KCNG3: variants seen among roughly 807,000 people sequenced by gnomAD.
KCNG3 encodes the protein voltage-gated potassium channel regulatory subunit KCNG3.
Under a neutral mutation model 29.0 loss-of-function variants are expected in KCNG3, and 15 were observed. The ratio of observed to expected loss-of-function variants is 0.52; its 90% confidence interval spans 0.35 to 0.80. KCNG3 has a LOEUF of 0.80. KCNG3 is among the 30% of genes least tolerant of loss of function. The pLI, the probability that KCNG3 is intolerant of heterozygous loss-of-function variation, is 0.01. For missense variants in KCNG3, 512 were observed against 605.7 expected (o/e 0.85, Z 1.62); for synonymous variants, 322 against 248.9 (o/e 1.29, Z -2.76).
the KCNG3 span, among the ~76,000 whole-genome samples, chr2:42,426,920 C>CA: frequency 6.6e-6 from 1 of 152,148 alleles, no homozygotes; most frequent in East Asian, 1.9e-4. Flanking sequence ...ATGACAGTAT[C>CA]AACCAAGAAA....
At chr2:42,411,975 C>T in the KCNG3 span, among the ~76,000 whole-genome samples, 1 of 152,146 alleles carries the variant, frequency 6.6e-6, no homozygotes, top group Non-Finnish European at 1.5e-5. Flanking sequence ...TTTGATGAAT[C>T]AAATACATAC....
chr2:42,430,088 C>T, the KCNG3 span, among the ~76,000 whole-genome samples: 6 of 152,114 alleles, frequency 3.9e-5, no homozygotes, highest in Admixed American at 6.5e-5. Flanking sequence ...ACTAGGGGGG[C>T]GGACATGGTA....
At chr2:42,401,814 G>A in the KCNG3 span, among the ~76,000 whole-genome samples, 1 of 152,100 alleles carries the variant, frequency 6.6e-6, no homozygotes, top group Non-Finnish European at 1.5e-5. Flanking sequence ...AACCCAGAAG[G>A]TGGAGGTTTC....
At chr2:42,422,741 T>C in the KCNG3 span, among the ~76,000 whole-genome samples, 4 of 152,192 alleles carry the variant, frequency 2.6e-5, no homozygotes, top group Admixed American at 2.6e-4. Flanking sequence ...ACCATATTTA[T>C]AGCCATAGTT....
At chr2:42,399,668 G>A in the KCNG3 span, among the ~76,000 whole-genome samples, 2,395 of 152,226 alleles carry the variant, frequency 0.016, 77 homozygotes, top group African/African-American at 0.054. Context: ...AGAGTGTGGA[G>A]ACAGAAGAGA....
the KCNG3 span, among the ~76,000 whole-genome samples, chr2:42,422,822 G>A: frequency 1.3e-5 from 2 of 152,152 alleles, no homozygotes; most frequent in South Asian, 2.1e-4. Flanking sequence ...CCCCATAAGC[G>A]CCTAGTTGCT....
the KCNG3 span, among the ~76,000 whole-genome samples, chr2:42,417,456 C>G: frequency 1.3e-5 from 2 of 151,694 alleles, no homozygotes; most frequent in African/African-American, 4.8e-5. Flanking sequence ...AAGTTGCTGG[C>G]ACCACAGGCA....
At chr2:42,458,386 T>C (rs1672930594) in intron 1 of KCNG3, among the ~76,000 whole-genome samples, 1 of 152,208 alleles carries the variant, frequency 6.6e-6, no homozygotes, top group Non-Finnish European at 1.5e-5. Context: ...TTACCCTCTG[T>C]GGTTCCTCTG....
downstream of KCNG3, chr2:42,440,481 T>TAAAAA (rs58284596): frequency 7.4e-6 from 1 of 135,880 alleles, no homozygotes. Flanking sequence ...CTGTTTTCTT[T>TAAAAA]AAAAAAAAAA....
downstream of KCNG3, among the ~76,000 whole-genome samples, chr2:42,441,732 C>CACATATATATACCTATATG (rs1672483819): frequency 4.8e-5 from 6 of 124,640 alleles, no homozygotes; most frequent in East Asian, 2.2e-4. Context: ...ACACATATCC[C>CACATATATATACCTATATG]TATATATAAA....
rs114556230 is a variant in KCNG3 at position 42,492,267 on chromosome 2, G to C, written c.665+570C>G. ...GCTAACTCCATACTTTGTAGGAAAAGGGGGAAGAAAAGGGCACAGACATCC... is the reference window on the plus strand; with the variant it reads ...GCTAACTCCATACTTTGTAGGAAAACGGGGAAGAAAAGGGCACAGACATCC... On this transcript the variant is annotated intron_variant, in intron 1 of 1. Coordinates refer to ENST00000306078, the MANE Select transcript of KCNG3 (RefSeq NM_133329.6). Among the ~76,000 whole-genome samples, 1,036 of 152,254 alleles carry C rather than the reference G, an allele frequency of 6.8e-3. 7 individuals carry two copies. Among genetic ancestry groups the C allele is most frequent in the African/African-American group, 0.023 (962 of 41,532 alleles).
chr2:42,461,220 T>C (rs974018750), intron 1 of KCNG3, among the ~76,000 whole-genome samples: 9 of 148,438 alleles, frequency 6.1e-5, no homozygotes, highest in Non-Finnish European at 1.5e-5. Flanking sequence ...GACATCATCT[T>C]CTAGGAGCTA....
At chr2:42,465,625 A>G (rs1352905468) in intron 1 of KCNG3, among the ~76,000 whole-genome samples, 1 of 152,208 alleles carries the variant, frequency 6.6e-6, no homozygotes, top group Non-Finnish European at 1.5e-5. Flanking sequence ...AAATACTGAT[A>G]AATTAGACTT....
intron 1 of KCNG3, among the ~76,000 whole-genome samples, chr2:42,484,416 C>A (rs148914280): frequency 6.6e-6 from 1 of 152,034 alleles, no homozygotes; most frequent in Non-Finnish European, 1.5e-5. Flanking sequence ...GAGCCGAGAT[C>A]GTGCCACTGC....
At chr2:42,398,838 T>C in the KCNG3 span, among the ~76,000 whole-genome samples, 1 of 152,106 alleles carries the variant, frequency 6.6e-6, no homozygotes, top group African/African-American at 2.4e-5. Flanking sequence ...AAAGGAATTT[T>C]TGACATGTCA....
chr2:42,487,835 C>T (rs898485373), intron 1 of KCNG3, among the ~76,000 whole-genome samples: 2 of 152,130 alleles, frequency 1.3e-5, no homozygotes, highest in Non-Finnish European at 2.9e-5. Flanking sequence ...GCAGCGTTTA[C>T]TACAGACAAG....
chr2:42,402,527 A>G, the KCNG3 span, among the ~76,000 whole-genome samples: 1 of 152,334 alleles, frequency 6.6e-6, no homozygotes, highest in East Asian at 1.9e-4. Context: ...CTCTAAAAAT[A>G]AAAGTTTTAA....
At chr2:42,405,871 G>A in the KCNG3 span, among the ~76,000 whole-genome samples, 1 of 152,126 alleles carries the variant, frequency 6.6e-6, no homozygotes, top group Non-Finnish European at 1.5e-5. Context: ...CTCCCAAAGT[G>A]CTGGGATTAC....
the KCNG3 span, among the ~76,000 whole-genome samples, chr2:42,416,970 C>T: frequency 6.7e-6 from 1 of 148,336 alleles, no homozygotes; most frequent in South Asian, 2.2e-4. Flanking sequence ...TAAATTCGTC[C>T]TGGCACGGTG....
Sources: allele counts gnomAD v4.1 joint callset (sites outside exome capture counted in the v4.1 genomes callset), GRCh38; gene constraint gnomAD v4.1.1; transcripts MANE v1.5; gene names NCBI Gene and HGNC (gene_info 2026-07-23, HGNC 2026-07-21).